The following CSNK1G1 variants were observed in gnomAD, a reference collection of about 807,000 sequenced individuals.
CSNK1G1 encodes the protein casein kinase I isoform gamma-1.
Under a neutral mutation model 59.6 loss-of-function variants are expected in CSNK1G1, and 22 were observed. The observed-to-expected ratio is 0.37, with a 90% confidence interval of 0.26 to 0.53. The LOEUF is 0.53. Ranked by LOEUF, CSNK1G1 falls within the 20% of genes least tolerant of loss-of-function variation. CSNK1G1 has a pLI of 0.89. For synonymous variants in CSNK1G1, 179 were observed against 177.1 expected, an observed-to-expected ratio of 1.01 and a Z score of -0.08; for missense variants, 384 against 519.5, an observed-to-expected ratio of 0.74 and a Z score of 2.54.
intron 1 of CSNK1G1, among the ~76,000 whole-genome samples, chr15:64,344,356 C>A (rs1280273409): frequency 6.6e-6 from 1 of 152,096 alleles, no homozygotes; most frequent in Admixed American, 6.6e-5. Context: ...TATAAATACA[C>A]CACATGAAAG....
chr15:64,291,009 C>T (rs1255008410), intron 2 of CSNK1G1, among the ~76,000 whole-genome samples: 1 of 152,164 alleles, frequency 6.6e-6, no homozygotes, highest in African/African-American at 2.4e-5. Context: ...CCACCATGCC[C>T]AGCCAAGACT....
chr15:64,254,119 G>A (rs764298025), intron 3 of CSNK1G1, among the ~76,000 whole-genome samples: 4 of 151,732 alleles, frequency 2.6e-5, no homozygotes, highest in East Asian at 1.9e-4. Context: ...CAGCCTGGGC[G>A]ACAGAGCAAG....
At chr15:64,294,543 T>A (rs1045754095) in intron 2 of CSNK1G1, among the ~76,000 whole-genome samples, 6 of 152,162 alleles carry the variant, frequency 3.9e-5, no homozygotes, top group Non-Finnish European at 8.8e-5. Flanking sequence ...TTTAAAAAAA[T>A]TTGCTTTAAT....
rs552580270 is a variant in CSNK1G1, at chr15:64,253,719, G to A, written c.223-2138C>T. On this transcript the variant is annotated intron_variant, in intron 3 of 11. Coordinates refer to ENST00000303052, the MANE Select transcript of CSNK1G1 (RefSeq NM_022048.5). ...ACAAAATTGGGTATATACATAGGGT[G>A]AAGTATTATTCAACCTTAAAAAGGA... is the stretch of plus-strand genomic sequence containing the variant. Among the ~76,000 whole-genome samples the A allele has an allele frequency of 5.9e-5, 9 of 152,298 alleles. 1 individual carries two copies. The highest frequency in any genetic ancestry group is 1.9e-4 in the African/African-American group (8 of 41,550).
rs1486720780 is a variant in CSNK1G1, at chr15:64,230,297, T to G, written c.293-13584A>C. Among the ~76,000 whole-genome samples, 7 of 151,560 alleles carry G rather than the reference T, an allele frequency of 4.6e-5. No individual in the cohort carries two copies. The East Asian group carries it at 1.4e-3, about 29-fold the overall frequency. ...TTAGTATATAGTGCCAAATTGCCAGTTTTGGTTTTTTTTTTTTAAGTCAGG... is the reference window on the plus strand; with the variant it reads ...TTAGTATATAGTGCCAAATTGCCAGGTTTGGTTTTTTTTTTTTAAGTCAGG... On this transcript the variant is annotated intron_variant, in intron 4 of 11. Transcript: ENST00000303052.
chr15:64,348,320 TAAC>T (rs979531090), intron 1 of CSNK1G1: 54 of 152,306 alleles, frequency 3.5e-4, no homozygotes, highest in African/African-American at 1.3e-3. Context: ...ATGCTATAGT[TAAC>T]AATAATGTAT....
Position 64,356,076 on chromosome 15 carries a change from G to C in CSNK1G1, c.-313C>G, listed in dbSNP as rs929045625. On this transcript the variant is annotated 5_prime_UTR_variant, in exon 1 of 12. Coordinates refer to ENST00000303052, the MANE Select transcript of CSNK1G1 (RefSeq NM_022048.5). The stretch of plus-strand genomic sequence containing the variant: ...TGCTTCTCTACCCACCCGCAGCGGT[G>C]GTTTCTCTCTTTCCCAGGAGCGGGA... 1 of 152,228 alleles carries C rather than the reference G, an allele frequency of 6.6e-6. No homozygotes were observed. Among genetic ancestry groups the C allele is most frequent in the Non-Finnish European group, 1.5e-5 (1 of 68,088 alleles). 9.4% of individuals were successfully genotyped at this position (152,228 alleles called of 1,614,324 possible). A position where few individuals can be genotyped will look rare whatever the true frequency, so the allele number is the denominator to read the frequency against.
Position 64,356,001 on chromosome 15 carries a change from G to A in CSNK1G1, c.-238C>T, listed in dbSNP as rs769698341. 3.3e-5 allele frequency: 5 copies of A among 152,158 alleles called. No individual in the cohort carries two copies. The highest frequency in any genetic ancestry group is 7.3e-5 in the Non-Finnish European group (5 of 68,264). 9.4% of individuals were successfully genotyped at this position (152,158 alleles called of 1,614,324 possible). On this transcript the variant is annotated 5_prime_UTR_variant, in exon 1 of 12. Transcript: ENST00000303052. ...CCGGGCAGATACCTGGTCCAGCAGT[G>A]CTGCAAGGCGCAAATGAGGCGGGCG...
At chr15:64,209,453 C>T (rs926748703) in intron 6 of CSNK1G1, among the ~76,000 whole-genome samples, 2 of 152,068 alleles carry the variant, frequency 1.3e-5, no homozygotes, top group African/African-American at 4.8e-5. Flanking sequence ...GAAAAGGCAA[C>T]TTTTTAAATA....
chr15:64,253,957 C>A (rs772991480), intron 3 of CSNK1G1, among the ~76,000 whole-genome samples: 1 of 151,928 alleles, frequency 6.6e-6, no homozygotes, highest in Non-Finnish European at 1.5e-5. Flanking sequence ...CTGGACAACA[C>A]GGTGAAACCC....
At chr15:64,174,453 G>C (rs1395119514) in intron 11 of CSNK1G1, among the ~76,000 whole-genome samples, 4 of 152,180 alleles carry the variant, frequency 2.6e-5, no homozygotes, top group South Asian at 2.1e-4. Context: ...TTTGGTGTCT[G>C]TGGTGACTAC....
chr15:64,307,999 C>T (rs1311621222), intron 1 of CSNK1G1, among the ~76,000 whole-genome samples: 6 of 151,932 alleles, frequency 3.9e-5, no homozygotes, highest in South Asian at 2.1e-4. Context: ...CAGCAACTTA[C>T]GCTTATGTGG....
intron 4 of CSNK1G1, among the ~76,000 whole-genome samples, chr15:64,232,531 C>A (rs1320714638): frequency 6.6e-6 from 1 of 152,200 alleles, no homozygotes; most frequent in African/African-American, 2.4e-5. Context: ...TAATTCTCTT[C>A]AATGACTCAC....
intron 4 of CSNK1G1, among the ~76,000 whole-genome samples, chr15:64,228,399 G>A (rs997774335): frequency 6.6e-6 from 1 of 152,054 alleles, no homozygotes; most frequent in African/African-American, 2.4e-5. Flanking sequence ...TGTAATCCCA[G>A]CACTGTGAGA....
At chr15:64,179,473 G>C (rs2081782793) in intron 11 of CSNK1G1, among the ~76,000 whole-genome samples, 1 of 152,142 alleles carries the variant, frequency 6.6e-6, no homozygotes, top group Non-Finnish European at 1.5e-5. Context: ...CAGAAAACAA[G>C]ACCCTGGGAT....
chr15:64,318,765 C>T (rs991187091), intron 1 of CSNK1G1, among the ~76,000 whole-genome samples: 1 of 151,970 alleles, frequency 6.6e-6, no homozygotes, highest in African/African-American at 2.4e-5. Flanking sequence ...CACATGCTAA[C>T]GAGCCTGGCT....
intron 1 of CSNK1G1, among the ~76,000 whole-genome samples, chr15:64,337,630 TTTG>T (rs1226728756): frequency 3.9e-5 from 6 of 152,192 alleles, no homozygotes. Flanking sequence ...CCCACCTGGC[TTTG>T]TTTTTTACTG....
intron 1 of CSNK1G1, among the ~76,000 whole-genome samples, chr15:64,314,565 T>TTAAAAAA (rs397777556): frequency 1.5e-4 from 20 of 130,616 alleles, no homozygotes; most frequent in African/African-American, 5.4e-4. Flanking sequence ...ACCACAGAAT[T>TTAAAAAA]AAAAAAAAAA....
intron 1 of CSNK1G1, among the ~76,000 whole-genome samples, chr15:64,306,966 A>G (rs1234918998): frequency 1.8e-5 from 2 of 110,500 alleles, no homozygotes; most frequent in Non-Finnish European, 3.5e-5. Flanking sequence ...AATGGTTGCC[A>G]GATATTGTGG....
Sources: gnomAD v4.1 joint callset for allele counts (sites outside exome capture counted in the v4.1 genomes callset) on GRCh38, gnomAD v4.1.1 for gene constraint, MANE v1.5 for transcripts, NCBI Gene and HGNC (gene_info 2026-07-23, HGNC 2026-07-21) for gene names.